Variants in RIMS1 observed in about 807,000 individuals in gnomAD.
RIMS1 encodes the protein regulating synaptic membrane exocytosis protein 1.
A neutral mutation model predicts 214.1 loss-of-function variants in RIMS1; 83 were observed. That is an observed-to-expected ratio of 0.39 (90% CI 0.32 to 0.47). The LOEUF is 0.47. Ranked by LOEUF, RIMS1 falls within the 20% of genes least tolerant of loss-of-function variation. RIMS1 has a pLI of 0.99. For missense variants in RIMS1, 2,050 were observed against 2,161.8 expected (o/e 0.95, Z 1.03); for synonymous variants, 793 against 786.8 (o/e 1.01, Z -0.13).
At chr6:72,362,371 C>T (rs547887467) in intron 29 of RIMS1, among the ~76,000 whole-genome samples, 3 of 151,984 alleles carry the variant, frequency 2.0e-5, no homozygotes, top group Non-Finnish European at 2.9e-5. Context: ...TGCTCCAAGT[C>T]GGGACATCAT....
chr6:72,369,888 T>C (rs1225299064), intron 29 of RIMS1, among the ~76,000 whole-genome samples: 2 of 152,190 alleles, frequency 1.3e-5, no homozygotes, highest in Non-Finnish European at 2.9e-5. Context: ...AGATTAGAGA[T>C]ACCACCCTGG....
At chr6:72,271,284 AAAATAT>A (rs1358656299) in intron 22 of RIMS1, among the ~76,000 whole-genome samples, 34 of 23,928 alleles carry the variant, frequency 1.4e-3, no homozygotes, top group African/African-American at 2.8e-3. Context: ...AAAAAAAAAA[AAAATAT>A]ATATATATAT....
intron 29 of RIMS1, among the ~76,000 whole-genome samples, chr6:72,340,683 T>G (rs1314069814): frequency 6.6e-6 from 1 of 152,134 alleles, no homozygotes; most frequent in East Asian, 1.9e-4. Context: ...TTCGTTTTTG[T>G]AGCCTTGTAG....
chr6:72,062,030 T>C (rs143315461), intron 2 of RIMS1, among the ~76,000 whole-genome samples: 1 of 152,346 alleles, frequency 6.6e-6, no homozygotes, highest in Admixed American at 6.5e-5. Flanking sequence ...ACTTTAAATC[T>C]CTCAGGGGAC....
chr6:72,139,409 G>C (rs1251784172), intron 4 of RIMS1, among the ~76,000 whole-genome samples: 1 of 152,096 alleles, frequency 6.6e-6, no homozygotes, highest in African/African-American at 2.4e-5. Context: ...CATCAAAGAG[G>C]CCCTTTCTAA....
At chr6:72,312,093 T>G (rs2095540453) in intron 27 of RIMS1, among the ~76,000 whole-genome samples, 1 of 152,220 alleles carries the variant, frequency 6.6e-6, no homozygotes, top group Non-Finnish European at 1.5e-5. Context: ...TCTAATCTTC[T>G]TTTTAGTACC....
At chr6:72,144,260 G>T (rs867058349) in intron 4 of RIMS1, among the ~76,000 whole-genome samples, 3 of 152,102 alleles carry the variant, frequency 2.0e-5, no homozygotes, top group Non-Finnish European at 2.9e-5. Flanking sequence ...ATGCCTCAAT[G>T]GTTCTGAATT....
intron 2 of RIMS1, among the ~76,000 whole-genome samples, chr6:71,999,576 T>C (rs1007965807): frequency 1.1e-4 from 17 of 152,184 alleles, no homozygotes; most frequent in African/African-American, 4.1e-4. Flanking sequence ...TGGATGGTTT[T>C]AATAGTATAT....
chr6:72,271,757 T>G (rs1339976562), intron 22 of RIMS1, among the ~76,000 whole-genome samples: 1 of 152,196 alleles, frequency 6.6e-6, no homozygotes, highest in Non-Finnish European at 1.5e-5. Flanking sequence ...AAGGTTCTCA[T>G]TATTCTTTAT....
intron 2 of RIMS1, among the ~76,000 whole-genome samples, chr6:72,068,908 C>A (rs1829960595): frequency 8.7e-6 from 1 of 114,670 alleles, no homozygotes; most frequent in African/African-American, 3.9e-5. Flanking sequence ...AAGACTCCGT[C>A]TCAAAAAAAA....
chr6:71,969,202 G>C (rs781231055), intron 2 of RIMS1, 139 bp downstream of exon 2: 1 of 805,972 alleles, frequency 1.2e-6, no homozygotes, highest in Non-Finnish European at 2.1e-6. Context: ...TGTTGAATTA[G>C]ATAAAATTAG....
chr6:72,126,974 C>A (rs1474831965), intron 4 of RIMS1, among the ~76,000 whole-genome samples: 1 of 152,136 alleles, frequency 6.6e-6, no homozygotes, highest in Non-Finnish European at 1.5e-5. Context: ...GATACACGCA[C>A]ATGCATAATT....
rs975158477 is a variant in RIMS1 at position 72,101,782 on chromosome 6, G to A, written c.471+1796G>A. Reference sequence around the variant, plus strand: ...TATAAATGTTTCCTTTGTTAAGCCCGGCAAAATTATTGTCATATTTTCCAT... The same window carrying A: ...TATAAATGTTTCCTTTGTTAAGCCCAGCAAAATTATTGTCATATTTTCCAT... On this transcript the variant is annotated intron_variant, in intron 4 of 33. Transcript: ENST00000521978. Among the ~76,000 whole-genome samples the A allele has an allele frequency of 4.0e-5, 6 of 151,580 alleles. No homozygotes were observed. In the South Asian group the frequency reaches 8.3e-4, roughly 21 times the overall value.
chr6:72,261,090 T>G, intron 19 of RIMS1: 1 of 1,198,924 alleles, frequency 8.3e-7, no homozygotes, highest in Non-Finnish European at 1.1e-6. Flanking sequence ...GCCCCCAACT[T>G]TCCCACACAT....
intron 2 of RIMS1, among the ~76,000 whole-genome samples, chr6:72,075,633 C>G (rs1036472617): frequency 6.6e-6 from 1 of 152,088 alleles, no homozygotes; most frequent in Non-Finnish European, 1.5e-5. Context: ...AATTATTTAA[C>G]TAAGATTAGA....
At chr6:72,366,919 A>AT (rs745549263) in intron 29 of RIMS1, 29 of 878,528 alleles carry the variant, frequency 3.3e-5, no homozygotes, top group Non-Finnish European at 4.0e-5. Context: ...GAGTTTGTTT[A>AT]TTTATAACTT....
chr6:72,271,286 A>AAAAAATATATATATAT (rs1417580438), intron 22 of RIMS1, among the ~76,000 whole-genome samples: 2 of 44,416 alleles, frequency 4.5e-5, no homozygotes, highest in Non-Finnish European at 7.4e-5. Flanking sequence ...AAAAAAAAAA[A>AAAAAATATATATATAT]ATATATATAT....
At chr6:72,017,768 A>G (rs773060229) in intron 2 of RIMS1, among the ~76,000 whole-genome samples, 3 of 152,208 alleles carry the variant, frequency 2.0e-5, no homozygotes, top group Non-Finnish European at 4.4e-5. Context: ...GCTGCAACAT[A>G]TTGCAATAAT....
chr6:72,263,183 T>C, intron 19 of RIMS1: 1 of 984,966 alleles, frequency 1.0e-6, no homozygotes. Context: ...ACCTTGAAAT[T>C]TAATACACAC....
Sources: gnomAD v4.1 joint callset for allele counts (sites outside exome capture counted in the v4.1 genomes callset) on GRCh38, gnomAD v4.1.1 for gene constraint, MANE v1.5 for transcripts, NCBI Gene and HGNC (gene_info 2026-07-23, HGNC 2026-07-21) for gene names.